Variants in KCNMA1 observed in about 807,000 individuals in gnomAD.
KCNMA1 encodes the protein Calcium-activated potassium channel subunit alpha-1.
In KCNMA1, 29 loss-of-function variants were observed where a neutral mutation model predicts 140.0. That is an observed-to-expected ratio of 0.21 (90% CI 0.15 to 0.28). KCNMA1 has a LOEUF of 0.28. KCNMA1 is among the 10% of genes least tolerant of loss of function. The probability of loss-of-function intolerance (pLI) is 1.00; values close to 1 mark genes in which losing one functional copy is unlikely to be tolerated. For synonymous variants in KCNMA1, 612 were observed against 611.9 expected (o/e 1.00, Z 0.00); for missense variants, 880 against 1,602.2 (o/e 0.55, Z 7.70).
intron 14 of KCNMA1, among the ~76,000 whole-genome samples, chr10:77,072,755 T>C (rs950919870): frequency 7.2e-5 from 11 of 152,176 alleles, no homozygotes; most frequent in African/African-American, 2.4e-4. Context: ...AGCAAAATGA[T>C]AATTCTTTTC....
chr10:77,424,775 T>A (rs984028646), intron 1 of KCNMA1, among the ~76,000 whole-genome samples: 1 of 152,344 alleles, frequency 6.6e-6, no homozygotes, highest in Middle Eastern at 3.4e-3. Context: ...CCTCAAAGGA[T>A]AGGCATGATT....
chr10:77,007,653 G>GTATGTATATATATATATATA (rs1555100473), intron 18 of KCNMA1, among the ~76,000 whole-genome samples: 3 of 88,482 alleles, frequency 3.4e-5, no homozygotes, highest in Non-Finnish European at 7.0e-5. Context: ...TTGTGTGTGT[G>GTATGTATATATATATATATA]TATATATATA....
At chr10:77,261,511 T>C (rs142402015) in intron 2 of KCNMA1, among the ~76,000 whole-genome samples, 74 of 152,262 alleles carry the variant, frequency 4.9e-4, no homozygotes, top group African/African-American at 1.7e-3. Flanking sequence ...TTGTTGATGA[T>C]GTTCATCTCA....
chr10:77,277,870 A>G (rs185275203), intron 2 of KCNMA1, among the ~76,000 whole-genome samples: 2 of 152,324 alleles, frequency 1.3e-5, no homozygotes. Flanking sequence ...GCCTTTGGAC[A>G]TGGACTGTTG....
At chr10:77,572,000 G>T (rs1216149879) in intron 1 of KCNMA1, among the ~76,000 whole-genome samples, 1 of 152,194 alleles carries the variant, frequency 6.6e-6, no homozygotes, top group Non-Finnish European at 1.5e-5. Context: ...AAACGCACAC[G>T]CCTGTGTAGT....
At chr10:77,052,866 A>G (rs963840309) in intron 14 of KCNMA1, among the ~76,000 whole-genome samples, 2 of 152,196 alleles carry the variant, frequency 1.3e-5, no homozygotes, top group South Asian at 2.1e-4. Flanking sequence ...ATCTGTCATT[A>G]CTTGAACATG....
intron 5 of KCNMA1, among the ~76,000 whole-genome samples, chr10:77,122,619 T>C (rs1383934265): frequency 2.0e-5 from 3 of 151,742 alleles, no homozygotes; most frequent in Non-Finnish European, 2.9e-5. Context: ...ATCCAACCCA[T>C]GGATAAAATG....
At chr10:77,379,914 G>T (rs1844923464) in intron 2 of KCNMA1, among the ~76,000 whole-genome samples, 1 of 152,152 alleles carries the variant, frequency 6.6e-6, no homozygotes, top group Non-Finnish European at 1.5e-5. Flanking sequence ...TCCCACGTCA[G>T]TTTCCTCCCC....
chr10:77,104,024 C>T (rs1405610743), intron 9 of KCNMA1, among the ~76,000 whole-genome samples: 1 of 152,220 alleles, frequency 6.6e-6, no homozygotes, highest in African/African-American at 2.4e-5. Context: ...GGGAAGCAGG[C>T]TGTCCAGGTT....
chr10:77,430,542 G>A (rs1252820996), intron 1 of KCNMA1, among the ~76,000 whole-genome samples: 2 of 152,124 alleles, frequency 1.3e-5, no homozygotes, highest in African/African-American at 4.8e-5. Context: ...ACATGTTTTG[G>A]TTTATAGGCT....
intron 14 of KCNMA1, among the ~76,000 whole-genome samples, chr10:77,050,577 T>A (rs1335483830): frequency 6.6e-6 from 1 of 152,198 alleles, no homozygotes; most frequent in Non-Finnish European, 1.5e-5. Context: ...TGCACGTATG[T>A]CACCCAAGTG....
intron 17 of KCNMA1, among the ~76,000 whole-genome samples, chr10:77,016,787 T>C (rs2092121581): frequency 6.6e-6 from 1 of 152,166 alleles, no homozygotes; most frequent in African/African-American, 2.4e-5. Flanking sequence ...GTGGGATGGT[T>C]TCACTCCTCA....
chr10:77,553,994 C>G (rs2063510653), intron 1 of KCNMA1, among the ~76,000 whole-genome samples: 2 of 150,468 alleles, frequency 1.3e-5, no homozygotes, highest in Non-Finnish European at 2.9e-5. Context: ...TTTTAAGGTT[C>G]CAACAGATGA....
At position 76,953,894 on chromosome 10, in the gene KCNMA1, A is replaced by T; in HGVS notation, c.2391T>A (p.Asp797Glu). The change falls in exon 21 of 28, where the codon GAT (aspartate) becomes GAA (glutamate). Residue 797 changes from aspartate to glutamate, a missense_variant. Asp to Glu is a conservative substitution (Grantham distance 45). Transcript: ENST00000286628. Reference protein sequence around the residue: ...RHDPLLIPGNDQIDNMDSNVK... With the variant: ...RHDPLLIPGNEQIDNMDSNVK... ...CATTGGAGTCCATGTTGTCAATCTG[A>T]TCATTGCCAGGAATTAACAAGGGGT... 2 of 1,614,030 alleles carry T rather than the reference A, an allele frequency of 1.2e-6. No homozygotes were observed. The highest frequency in any genetic ancestry group is 1.7e-6 in the Non-Finnish European group (2 of 1,179,934).
At chr10:77,055,417 C>T (rs2095508427) in intron 14 of KCNMA1, among the ~76,000 whole-genome samples, 2 of 152,236 alleles carry the variant, frequency 1.3e-5, no homozygotes, top group African/African-American at 2.4e-5. Context: ...TGCGAGGTAA[C>T]TCTTAGAAAA....
chr10:77,256,536 G>A (rs187878793), intron 2 of KCNMA1, among the ~76,000 whole-genome samples: 38 of 152,252 alleles, frequency 2.5e-4, no homozygotes, highest in Non-Finnish European at 4.3e-4. Context: ...TACAAATGTC[G>A]CCTTAACAAT....
At chr10:77,411,907 A>T (rs1011069496) in intron 1 of KCNMA1, among the ~76,000 whole-genome samples, 1 of 152,204 alleles carries the variant, frequency 6.6e-6, no homozygotes, top group African/African-American at 2.4e-5. Context: ...ACGGTTCTCT[A>T]TGCAGATGCT....
intron 14 of KCNMA1, among the ~76,000 whole-genome samples, chr10:77,054,239 G>GA (rs986623152): frequency 1.3e-5 from 2 of 151,818 alleles, no homozygotes; most frequent in African/African-American, 4.8e-5. Flanking sequence ...AGGAGAAAGA[G>GA]AAAAAAAATA....
intron 19 of KCNMA1, chr10:76,974,185 C>T (rs1340983105): frequency 6.6e-6 from 2 of 301,542 alleles, no homozygotes; most frequent in African/African-American, 4.4e-5. Context: ...GTCATATTCA[C>T]ACTGGAGTCA....
Sources: allele counts gnomAD v4.1 joint callset (sites outside exome capture counted in the v4.1 genomes callset), GRCh38; gene constraint gnomAD v4.1.1; transcripts MANE v1.5; gene names NCBI Gene and HGNC (gene_info 2026-07-23, HGNC 2026-07-21).